The following LGR5 variants were observed in gnomAD, a reference collection of about 807,000 sequenced individuals.
The protein encoded by LGR5 is leucine-rich repeat-containing G protein-coupled receptor 5.
In LGR5, 54 loss-of-function variants were observed where a neutral mutation model predicts 76.7. That is an observed-to-expected ratio of 0.70 (90% CI 0.57 to 0.88). The LOEUF (loss-of-function observed/expected upper bound fraction) is 0.88, where lower values mean the gene tolerates loss of function less well. Among genes scored for constraint, LGR5 ranks in the 40% least tolerant of loss-of-function variants. The pLI, the probability that LGR5 is intolerant of heterozygous loss-of-function variation, is 0.00. For missense variants in LGR5, 1,078 were observed against 1,073.3 expected (o/e 1.00, Z -0.06); for synonymous variants, 406 against 421.9 (o/e 0.96, Z 0.46).
chr12:71,570,459 C>T (rs1592556679), intron 11 of LGR5, among the ~76,000 whole-genome samples: 1 of 152,108 alleles, frequency 6.6e-6, no homozygotes, highest in South Asian at 2.1e-4. Flanking sequence ...CCTTTGCAGC[C>T]TGCAGAGATG....
intron 1 of LGR5, among the ~76,000 whole-genome samples, chr12:71,485,128 C>A (rs1873771833): frequency 6.6e-6 from 1 of 152,026 alleles, no homozygotes; most frequent in South Asian, 2.1e-4. Flanking sequence ...CTATGCCAGA[C>A]AGTAAATATC....
chr12:71,578,001 G>A lies in LGR5; in HGVS notation c.1280+5G>A. The A allele has an allele frequency of 6.3e-7, 1 of 1,597,900 alleles. No individual in the cohort carries two copies. The highest frequency in any genetic ancestry group is 8.6e-7 in the Non-Finnish European group (1 of 1,165,346). On this transcript the variant is annotated splice_donor_5th_base_variant and intron_variant, in intron 14 of 17. Coordinates refer to ENST00000266674, the MANE Select transcript of LGR5 (RefSeq NM_003667.4). ...TTTGCCATCCCTAATAAAGCTGTGA[G>A]TATTCCACAACTTGTTTATGGTATG...
In LGR5 at chr12:71,584,277, T is replaced by C; in HGVS notation, c.2267T>C (p.Leu756Pro). Residue 756 changes from leucine (L) to proline (P), a missense_variant, in exon 18 of 18, where the codon CTG becomes CCG. Transcript: ENST00000266674. ...TACTGCAATTTGGACAAGGGAGACC[T>C]GGAGAATATTTGGGACTGCTCTATG... ...KLYCNLDKGDLENIWDCSMVK... is the reference protein window; with the variant it reads ...KLYCNLDKGDPENIWDCSMVK... 2.5e-6 allele frequency: 4 copies of C among 1,614,192 alleles called. No homozygotes were observed. The highest frequency in any genetic ancestry group is 3.4e-6 in the Non-Finnish European group (4 of 1,180,004).
intron 2 of LGR5, among the ~76,000 whole-genome samples, chr12:71,518,837 A>G (rs1320980035): frequency 6.6e-6 from 1 of 152,166 alleles, no homozygotes; most frequent in African/African-American, 2.4e-5. Flanking sequence ...GGGGCCTATC[A>G]GAGGATGGGA....
At chr12:71,535,220 G>C (rs971805979) in intron 4 of LGR5, 34 bp downstream of exon 4, 9 of 1,370,410 alleles carry the variant, frequency 6.6e-6, no homozygotes, top group Middle Eastern at 1.8e-4. Context: ...ATATATTTAA[G>C]ATCAATTTGG....
rs1251911976 is a variant in LGR5, at chr12:71,556,624, TC to T, written c.652del (p.His218IlefsTer19). ...TCTGTAATGTTCTACTGCAGACATC[TC>T]CATAACAATAGAATCCACTCCCTGG... ...GNLSSLVVLHLHNNRIHSLGK... is the reference protein window; with the variant it reads ...GNLSSLVVLHXHNNRIHSLGK... On this transcript the variant is annotated frameshift_variant, in exon 6 of 18. Transcript: ENST00000266674. LOFTEE classifies it high-confidence loss of function. The T allele has an allele frequency of 6.2e-7, 1 of 1,606,468 alleles. No individual in the cohort carries two copies. The highest frequency in any genetic ancestry group is 1.3e-5 in the African/African-American group (1 of 74,768).
chr12:71,462,512 C>G (rs1565661088), intron 1 of LGR5, among the ~76,000 whole-genome samples: 2 of 152,120 alleles, frequency 1.3e-5, no homozygotes, highest in Non-Finnish European at 2.9e-5. Context: ...CTTTCCTCCC[C>G]CTGTCTTTGC....
Position 71,558,741 on chromosome 12 carries a change from T to A in LGR5, c.717-845T>A, listed in dbSNP as rs547999406. ...TGATTGCCTGACGAAAAGGTTTTTC[T>A]GCGTCATCTGGGAAATCTGCCATTC... On this transcript the variant is annotated intron_variant, in intron 6 of 17. Transcript: ENST00000266674. Among the ~76,000 whole-genome samples the A allele has an allele frequency of 3.2e-4, 48 of 152,348 alleles. No individual in the cohort carries two copies. The South Asian group carries it at 9.7e-3, about 31-fold the overall frequency.
chr12:71,481,058 G>A (rs1360506897), intron 1 of LGR5, among the ~76,000 whole-genome samples: 2 of 152,128 alleles, frequency 1.3e-5, no homozygotes, highest in African/African-American at 4.8e-5. Context: ...AAATGGGATG[G>A]GATGACAGAT....
chr12:71,531,389 A>T (rs1268598193), intron 3 of LGR5, among the ~76,000 whole-genome samples: 2 of 152,222 alleles, frequency 1.3e-5, no homozygotes, highest in Non-Finnish European at 2.9e-5. Context: ...GGAGACTTAT[A>T]ATGATATAAT....
chr12:71,491,419 A>T (rs966512208), intron 1 of LGR5, among the ~76,000 whole-genome samples: 18 of 152,072 alleles, frequency 1.2e-4, no homozygotes, highest in Admixed American at 3.9e-4. Context: ...GGTGAGAGGG[A>T]AATTCTCTTT....
chr12:71,566,265 C>T, intron 8 of LGR5, 139 bp from the exon 9 acceptor site: 1 of 629,916 alleles, frequency 1.6e-6, no homozygotes, highest in South Asian at 2.1e-5. Context: ...TGCCTGAAAC[C>T]AAGGAATTGG....
At chr12:71,480,759 C>T (rs539909052) in intron 1 of LGR5, among the ~76,000 whole-genome samples, 6 of 152,250 alleles carry the variant, frequency 3.9e-5, no homozygotes, top group East Asian at 1.9e-4. Flanking sequence ...TGATGAGATC[C>T]TTTCAAGTAT....
rs1393963923 is a variant in LGR5, at chr12:71,583,989, T to C, written c.1979T>C (p.Leu660Pro). The C allele has an allele frequency of 8.7e-6, 14 of 1,614,124 alleles. No individual in the cohort carries two copies. Among genetic ancestry groups the C allele is most frequent in the Non-Finnish European group, 1.2e-5 (14 of 1,180,052 alleles). ...SSVFLLTLAA[L>P]ERGFSVKYSA... The stretch of plus-strand genomic sequence containing the variant: ...GTTTTCCTGCTTACTCTGGCAGCCC[T>C]GGAGCGTGGGTTCTCTGTGAAATAT... The change falls in exon 18 of 18, where the codon CTG becomes CCG. Residue 660 changes from leucine to proline, a missense_variant. Leu to Pro is a moderately conservative substitution (Grantham distance 98). Transcript: ENST00000266674.
intron 1 of LGR5, among the ~76,000 whole-genome samples, chr12:71,497,073 G>A (rs1874361425): frequency 6.6e-6 from 1 of 152,086 alleles, no homozygotes; most frequent in Non-Finnish European, 1.5e-5. Context: ...CAGCACTTTG[G>A]GAGGCCAAGG....
chr12:71,522,079 G>C (rs990079807), intron 2 of LGR5, among the ~76,000 whole-genome samples: 3 of 152,124 alleles, frequency 2.0e-5, no homozygotes, highest in South Asian at 4.2e-4. Flanking sequence ...AGGGCTAGAG[G>C]GGGGAATGTG....
intron 17 of LGR5, chr12:71,583,438 G>A: frequency 3.5e-6 from 2 of 564,708 alleles, no homozygotes; most frequent in Non-Finnish European, 3.1e-6. Flanking sequence ...TGGAACAGGA[G>A]CACCGGGTGT....
At position 71,577,936 on chromosome 12, in the gene LGR5, G is replaced by A; in HGVS notation, c.1220G>A (p.Trp407Ter). The change falls in exon 14 of 18, where the codon TGG (tryptophan) becomes TAG (stop). Residue 407 changes from tryptophan (W) to a stop codon, truncating the protein, a stop_gained. Coordinates refer to ENST00000266674, the MANE Select transcript of LGR5 (RefSeq NM_003667.4). LOFTEE classifies it high-confidence loss of function. ...TTTTTTTACAATAGGAATTTGGCTT[G>A]GAACAAAATTGCTATTATTCACCCC... is the stretch of plus-strand genomic sequence containing the variant. ...LLSLRSLNLA[W>*]NKIAIIHPNA... The A allele has an allele frequency of 6.2e-7, 1 of 1,611,936 alleles. No homozygotes were observed. The highest frequency in any genetic ancestry group is 1.1e-5 in the South Asian group (1 of 90,942).
chr12:71,501,003 A>G (rs183330401), intron 1 of LGR5, among the ~76,000 whole-genome samples: 8 of 152,356 alleles, frequency 5.3e-5, no homozygotes, highest in African/African-American at 1.9e-4. Context: ...ATTAATTTCT[A>G]CATCTTGACA....
Sources: allele counts gnomAD v4.1 joint callset (sites outside exome capture counted in the v4.1 genomes callset), GRCh38; gene constraint gnomAD v4.1.1; transcripts MANE v1.5; gene names NCBI Gene and HGNC (gene_info 2026-07-23, HGNC 2026-07-21).